The following RP1 variants were observed in gnomAD, a reference collection of about 807,000 sequenced individuals.
RP1 encodes RP1 axonemal microtubule associated, also known as oxygen-regulated protein 1.
Under a neutral mutation model 14.8 loss-of-function variants are expected in RP1, and 16 were observed. The observed-to-expected ratio is 1.08, with a 90% CI of 0.73 to 1.65. The LOEUF (loss-of-function observed/expected upper bound fraction) is 1.65, where lower values mean the gene tolerates loss of function less well. Among genes scored for constraint, RP1 ranks in the 40% most tolerant of loss-of-function variants. The pLI, the probability that RP1 is intolerant of heterozygous loss-of-function variation, is 0.00. For synonymous variants in RP1, 876 were observed against 883.6 expected (o/e 0.99, Z 0.15); for missense variants, 2,631 against 2,535.0 (o/e 1.04, Z -0.81).
At chr8:54,658,277 C>A (rs965174312) in intron 6 of RP1, among the ~76,000 whole-genome samples, 37 of 149,762 alleles carry the variant, frequency 2.5e-4, no homozygotes, top group Non-Finnish European at 3.4e-4. Context: ...GTAGGCCGGG[C>A]GCGGTGGCTC....
intron 24 of RP1, among the ~76,000 whole-genome samples, chr8:54,790,944 TG>T (rs1208523894): frequency 1.3e-5 from 2 of 152,166 alleles, no homozygotes; most frequent in Non-Finnish European, 2.9e-5. Flanking sequence ...TTTAAAGAAA[TG>T]ATTACTGAAA....
At chr8:54,713,597 C>T (rs537347490) in intron 15 of RP1, among the ~76,000 whole-genome samples, 81 of 152,062 alleles carry the variant, frequency 5.3e-4, no homozygotes, top group African/African-American at 1.8e-3. Context: ...GTATATTCTA[C>T]GCATGCAAAT....
In RP1 at chr8:54,622,327, C is replaced by T. The variant is rs753890350; in HGVS notation, c.787+39C>T. The T allele has an allele frequency of 2.5e-6, 4 of 1,606,260 alleles. No individual in the cohort carries two copies. The Admixed American group carries it at 6.7e-5, about 27-fold the overall frequency. On this transcript the variant is annotated intron_variant, in intron 3 of 3. Transcript: ENST00000220676. ...TAATATATAGCCCATATTTTTAGCC[C>T]TGAGATTTTTTTTGCCTCAAGGACG...
intron 8 of RP1, among the ~76,000 whole-genome samples, chr8:54,674,093 C>T (rs1354426832): frequency 6.6e-6 from 1 of 151,850 alleles, no homozygotes; most frequent in African/African-American, 2.4e-5. Context: ...TAAAATTTAA[C>T]TAGATGTATT....
chr8:54,622,475 T>C (rs914790120), intron 3 of RP1, among the ~76,000 whole-genome samples, 187 bp downstream of exon 3: 1 of 152,204 alleles, frequency 6.6e-6, no homozygotes, highest in Non-Finnish European at 1.5e-5. Context: ...ATATTATCTA[T>C]TTTTTAGACT....
At chr8:54,684,993 G>A (rs547931041) in intron 12 of RP1, among the ~76,000 whole-genome samples, 1 of 152,246 alleles carries the variant, frequency 6.6e-6, no homozygotes, top group Non-Finnish European at 1.5e-5. Flanking sequence ...TGTTGTGGGA[G>A]GGCAGAGGTG....
chr8:54,750,618 A>C (rs1809337493), intron 19 of RP1, among the ~76,000 whole-genome samples: 1 of 152,270 alleles, frequency 6.6e-6, no homozygotes, highest in South Asian at 2.1e-4. Context: ...AAAACGCACC[A>C]ATCAGTGCTC....
In RP1 at chr8:54,627,732, G is replaced by T. The variant is rs763905522; in HGVS notation, c.3850G>T (p.Asp1284Tyr). ...CCCCAGTGACACTTTTTTTCCTAGT[G>T]ATGGTTATGGTGTGGATCAGACTTC... is the stretch of plus-strand genomic sequence containing the variant. ...CNPSDTFFPS[D>Y]GYGVDQTSMN... The change falls in exon 4 of 4, where the codon GAT (aspartate) becomes TAT (tyrosine). Residue 1284 changes from aspartate (D) to tyrosine (Y), a missense_variant. Physicochemically the swap from Asp to Tyr is radical, Grantham distance 160 (BLOSUM62 -3). Coordinates refer to ENST00000220676, the MANE Select transcript of RP1 (RefSeq NM_006269.2). 1.2e-6 allele frequency: 2 copies of T among 1,614,122 alleles called. No individual in the cohort carries two copies. Among genetic ancestry groups the T allele is most frequent in the South Asian group, 2.2e-5 (2 of 91,088 alleles).
chr8:54,825,368 G>A (rs1394648192), intron 24 of RP1, among the ~76,000 whole-genome samples: 1 of 152,140 alleles, frequency 6.6e-6, no homozygotes, highest in Non-Finnish European at 1.5e-5. Flanking sequence ...AGTGGTAAAA[G>A]TTCAGGAAAT....
At chr8:54,830,930 T>TTTTA (rs1811504708) in intron 24 of RP1, among the ~76,000 whole-genome samples, 1 of 152,146 alleles carries the variant, frequency 6.6e-6, no homozygotes, top group Non-Finnish European at 1.5e-5. Flanking sequence ...TTTCTAGATA[T>TTTTA]TTTATATCAA....
chr8:54,696,487 G>C, intron 12 of RP1: 1 of 892,982 alleles, frequency 1.1e-6, no homozygotes, highest in South Asian at 1.4e-5. Flanking sequence ...AAGCCACCCA[G>C]GCAAAGCAGG....
At chr8:54,688,357 T>C (rs907377928) in intron 12 of RP1, among the ~76,000 whole-genome samples, 1 of 152,208 alleles carries the variant, frequency 6.6e-6, no homozygotes, top group Non-Finnish European at 1.5e-5. Context: ...TTGCCATCGC[T>C]TTTGGTGTTT....
At chr8:54,774,333 A>G (rs1809984008), downstream of RP1, among the ~76,000 whole-genome samples, 1 of 152,222 alleles carries the variant, frequency 6.6e-6, no homozygotes, top group South Asian at 2.1e-4. Flanking sequence ...GAGATGCCAG[A>G]GGAACCATCT....
rs1048880310 is a variant in RP1, at chr8:54,816,402, A to G, written c.3616-21048A>G. Among the ~76,000 whole-genome samples the G allele has an allele frequency of 2.0e-5, 3 of 152,342 alleles. No individual in the cohort carries two copies. In the East Asian group the frequency reaches 5.8e-4, roughly 29 times the overall value. ...GGAGTCCCCTGCTTTGATCAAATAGATATAAGAGCAAGGAAAAAATACAAC... is the reference window on the plus strand; with the variant it reads ...GGAGTCCCCTGCTTTGATCAAATAGGTATAAGAGCAAGGAAAAAATACAAC... On this transcript the variant is annotated intron_variant, in intron 24 of 28. Coordinates refer to the RP1 transcript ENST00000637698.
At chr8:54,580,300 C>CTTTTTTTTTTTT (rs906806636) in intron 1 of RP1, among the ~76,000 whole-genome samples, 1 of 80,176 alleles carries the variant, frequency 1.2e-5, no homozygotes, top group African/African-American at 4.8e-5. Flanking sequence ...TCGTAGACTT[C>CTTTTTTTTTTTT]TTTTTTTTTT....
At chr8:54,605,132 G>A (rs1367947463) in intron 1 of RP1, among the ~76,000 whole-genome samples, 11 of 152,202 alleles carry the variant, frequency 7.2e-5, no homozygotes, top group Non-Finnish European at 1.5e-5. Flanking sequence ...TGTGATGTTA[G>A]GGTGTCAATT....
chr8:54,851,076 T>C lies in RP1; in HGVS notation c.3836-1498T>C, dbSNP rs114834351. Among the ~76,000 whole-genome samples the C allele has an allele frequency of 5.5e-3, 843 of 152,318 alleles. 7 individuals carry two copies. The highest frequency in any genetic ancestry group is 0.019 in the African/African-American group (788 of 41,570). On this transcript the variant is annotated intron_variant, in intron 25 of 28. Coordinates refer to the RP1 transcript ENST00000637698. Reference sequence around the variant, plus strand: ...GTGTGTGTGTGTGTGTGCGTGCATGTGTGCATGTGCGTGCATACTTTTTGA... The same window carrying C: ...GTGTGTGTGTGTGTGTGCGTGCATGCGTGCATGTGCGTGCATACTTTTTGA...
chr8:54,850,326 T>A (rs371178286), intron 25 of RP1, among the ~76,000 whole-genome samples: 4 of 152,322 alleles, frequency 2.6e-5, no homozygotes, highest in African/African-American at 9.6e-5. Context: ...TTGAAATCTA[T>A]CCTCGTATTT....
chr8:54,804,157 G>A (rs1340924658), intron 24 of RP1, among the ~76,000 whole-genome samples: 3 of 151,718 alleles, frequency 2.0e-5, no homozygotes, highest in African/African-American at 7.3e-5. Flanking sequence ...GGGGGGCTAG[G>A]TTAGAGGGGT....
Sources: gnomAD v4.1 joint callset for allele counts (sites outside exome capture counted in the v4.1 genomes callset) on GRCh38, gnomAD v4.1.1 for gene constraint, MANE v1.5 for transcripts, NCBI Gene and HGNC (gene_info 2026-07-23, HGNC 2026-07-21) for gene names.